TOM1: variants seen among roughly 807,000 people sequenced by gnomAD.
The protein encoded by TOM1 is target of Myb protein 1.
TOM1 carries 38 observed loss-of-function variants against 61.3 expected under a neutral mutation model. That is an observed-to-expected ratio of 0.62 (90% CI 0.48 to 0.81). TOM1 has a LOEUF of 0.81. Among genes scored for constraint, TOM1 ranks in the 40% least tolerant of loss-of-function variants. The probability of loss-of-function intolerance (pLI) is 0.00; values close to 1 mark genes in which losing one functional copy is unlikely to be tolerated. For synonymous variants in TOM1, 270 were observed against 268.8 expected (o/e 1.00, Z -0.04); for missense variants, 591 against 659.6 (o/e 0.90, Z 1.14).
intron 1 of TOM1, among the ~76,000 whole-genome samples, chr22:35,301,635 C>G (rs1447555731): frequency 1.3e-5 from 2 of 152,176 alleles, no homozygotes; most frequent in Non-Finnish European, 2.9e-5. Context: ...TGCGAAACCT[C>G]ACGAAAGCTT....
intron 7 of TOM1, among the ~76,000 whole-genome samples, chr22:35,329,614 G>A (rs995700293): frequency 4.6e-5 from 7 of 152,208 alleles, no homozygotes; most frequent in Non-Finnish European, 7.3e-5. Context: ...ACTCGAAATC[G>A]AGGTTTGTGG....
intron 6 of TOM1, among the ~76,000 whole-genome samples, chr22:35,326,092 A>G (rs919474411): frequency 2.2e-4 from 34 of 152,226 alleles, no homozygotes; most frequent in Non-Finnish European, 2.6e-4. Context: ...ATTGATGTCT[A>G]CCATGGTAAA....
At position 35,337,462 on chromosome 22, in the gene TOM1, G is replaced by A. The variant is rs145778235; in HGVS notation, c.1149-1251G>A. ...CAGCAGGGCCCTGCCGTAGTCACTG[G>A]CCCACTTGCCATGGATGGGAGCCGT... On this transcript the variant is annotated intron_variant, in intron 11 of 14. Coordinates refer to ENST00000449058, the MANE Select transcript of TOM1 (RefSeq NM_005488.3). Among the ~76,000 whole-genome samples the A allele has an allele frequency of 8.0e-4, 122 of 152,328 alleles. 1 individual carries two copies. In the East Asian group the frequency reaches 0.022, roughly 28 times the overall value.
chr22:35,343,256 T>G (rs374885646), intron 12 of TOM1, among the ~76,000 whole-genome samples: 3 of 39,344 alleles, frequency 7.6e-5, no homozygotes, highest in Non-Finnish European at 1.5e-4. Flanking sequence ...CACACACACC[T>G]CCACACACCT....
At position 35,323,508 on chromosome 22, in the gene TOM1, G is replaced by C; in HGVS notation, c.379G>C (p.Ala127Pro). Residue 127 changes from alanine to proline, a missense_variant, in exon 5 of 15, where the codon GCG (alanine) becomes CCG (proline). Physicochemically the swap from Ala to Pro is conservative, Grantham distance 27 (BLOSUM62 -1). Coordinates refer to ENST00000449058, the MANE Select transcript of TOM1 (RefSeq NM_005488.3). This position sits in a 1 kb window ranked among gnomAD's most constrained non-coding sequence, Gnocchi z 4.2. ...TGTCCCCTCTCAGTCCTGGGCTGAC[G>C]CGTTCCGCAGCTCGCCCGATCTGAC... ...VLNLIQSWAD[A>P]FRSSPDLTGV... The C allele has an allele frequency of 6.2e-7, 1 of 1,614,124 alleles. No homozygotes were observed. The highest frequency in any genetic ancestry group is 8.5e-7 in the Non-Finnish European group (1 of 1,180,022).
intron 8 of TOM1, among the ~76,000 whole-genome samples, chr22:35,332,585 AACACACAC>A (rs751364020): frequency 2.3e-5 from 2 of 88,070 alleles, no homozygotes; most frequent in African/African-American, 5.0e-5. Context: ...AGAGAGCACT[AACACACAC>A]ACACACACAC....
chr22:35,299,842 C>T, upstream of TOM1: 1 of 1,479,792 alleles, frequency 6.8e-7, no homozygotes, highest in Non-Finnish European at 9.2e-7. Context: ...TCCTCGCCGG[C>T]CTCCGAGTGC....
Position 35,333,316 on chromosome 22 carries a change from G to C in TOM1, c.934-88G>C, listed in dbSNP as rs146574870. ...CTGGGGCCCTGGTGACAGATCCCTG[G>C]GCAAAGCCTGCAAGCCACAGTGCTT... is the stretch of plus-strand genomic sequence containing the variant. On this transcript the variant is annotated intron_variant, in intron 9 of 14. Coordinates refer to ENST00000449058, the MANE Select transcript of TOM1 (RefSeq NM_005488.3). The C allele has an allele frequency of 1.9e-3, 2,364 of 1,273,670 alleles. 62 individuals carry two copies. The East Asian group carries it at 0.048, about 26-fold the overall frequency. The allele number at this position is 1,273,670 out of a possible 1,614,324, so 78.9% of individuals were successfully genotyped here. A position where few individuals can be genotyped will look rare whatever the true frequency, so the allele number is the denominator to read the frequency against.
chr22:35,336,907 T>TG (rs1929390286), intron 11 of TOM1: 1 of 150,224 alleles, frequency 6.7e-6, no homozygotes, highest in Admixed American at 6.6e-5. Flanking sequence ...TGGGCAGGGG[T>TG]GGCGAGGAGC....
At chr22:35,300,040 C>A in intron 1 of TOM1, 60 bp downstream of exon 1, 1 of 1,541,490 alleles carries the variant, frequency 6.5e-7, no homozygotes, top group Non-Finnish European at 8.8e-7. Context: ...CTTCGGTCCC[C>A]TGGGAAGCCT....
At chr22:35,306,210 A>C (rs1327196422) in intron 1 of TOM1, among the ~76,000 whole-genome samples, 1 of 152,112 alleles carries the variant, frequency 6.6e-6, no homozygotes, top group Non-Finnish European at 1.5e-5. Context: ...TACAAAACAG[A>C]CTGAATTTGG....
chr22:35,303,837 C>T (rs1412666740), intron 1 of TOM1, among the ~76,000 whole-genome samples: 1 of 152,106 alleles, frequency 6.6e-6, no homozygotes, highest in Non-Finnish European at 1.5e-5. Flanking sequence ...TAATATGCCA[C>T]CGTCCCACTC....
At chr22:35,307,267 T>C (rs1926404051) in intron 1 of TOM1, among the ~76,000 whole-genome samples, 1 of 152,212 alleles carries the variant, frequency 6.6e-6, no homozygotes, top group African/African-American at 2.4e-5. Flanking sequence ...GCTTATCTGT[T>C]AAAATTTGAC....
intron 11 of TOM1, among the ~76,000 whole-genome samples, chr22:35,338,267 C>T (rs1349658924): frequency 6.6e-6 from 1 of 152,170 alleles, no homozygotes; most frequent in East Asian, 1.9e-4. Flanking sequence ...CAAGATGGCA[C>T]CTCACCCAGC....
rs137894733 is a variant in TOM1 at position 35,305,407 on chromosome 22, A to C, written c.52+5427A>C. Among the ~76,000 whole-genome samples the C allele has an allele frequency of 4.2e-3, 647 of 152,274 alleles. 6 individuals are homozygous for C. Among genetic ancestry groups the C allele is most frequent in the African/African-American group, 0.014 (598 of 41,556 alleles). On this transcript the variant is annotated intron_variant, in intron 1 of 14. Coordinates refer to ENST00000449058, the MANE Select transcript of TOM1 (RefSeq NM_005488.3). ...CCAGGCACGGTGGCTCACGCCTGTA[A>C]TCCCAGCACGTTGGGAGGCCGAGGC...
At chr22:35,310,395 A>G (rs1926717260) in intron 1 of TOM1, among the ~76,000 whole-genome samples, 1 of 152,216 alleles carries the variant, frequency 6.6e-6, no homozygotes, top group South Asian at 2.1e-4. Flanking sequence ...TCTACTAAAA[A>G]TACAAAAATT....
At chr22:35,309,665 G>T (rs961698958) in intron 1 of TOM1, among the ~76,000 whole-genome samples, 10 of 149,046 alleles carry the variant, frequency 6.7e-5, no homozygotes, top group Admixed American at 1.3e-4. Flanking sequence ...AAAAAAGAGA[G>T]AGAACTGAGA....
In TOM1 at chr22:35,323,530, T is replaced by A; in HGVS notation, c.401T>A (p.Leu134Gln). Residue 134 changes from leucine to glutamine, a missense_variant, in exon 5 of 15, where the codon CTG becomes CAG. Physicochemically the swap from Leu to Gln is moderately radical, Grantham distance 113 (BLOSUM62 -2). Coordinates refer to ENST00000449058, the MANE Select transcript of TOM1 (RefSeq NM_005488.3). The surrounding 1 kb of genome is among the most constrained non-coding windows in gnomAD (Gnocchi z 4.2). ...WADAFRSSPD[L>Q]TGVVTIYEDL... ...GACGCGTTCCGCAGCTCGCCCGATC[T>A]GACAGGTGTGGTCACCATCTATGAG... is the stretch of plus-strand genomic sequence containing the variant. 2.5e-6 allele frequency: 4 copies of A among 1,614,162 alleles called. No homozygotes were observed. The highest frequency in any genetic ancestry group is 2.5e-6 in the Non-Finnish European group (3 of 1,180,026).
Position 35,312,243 on chromosome 22 carries a change from C to CA in TOM1, c.53-5618dup, listed in dbSNP as rs61692841. Among the ~76,000 whole-genome samples, 1,083 of 116,754 alleles carry CA rather than the reference C, an allele frequency of 9.3e-3. 10 individuals carry two copies. Among genetic ancestry groups the CA allele is most frequent in the South Asian group, 0.023 (78 of 3,416 alleles). The allele number at this position is 116,754 out of a possible 152,430, so 76.6% of individuals were successfully genotyped here. ...TGGGCGACAGAACAAGACTCCGTCT[C>CA]AAAAAAAAAAAAAAAAGACAAGGGG... On this transcript the variant is annotated intron_variant, in intron 1 of 14. Transcript: ENST00000449058.
Sources: gnomAD v4.1 joint callset for allele counts (sites outside exome capture counted in the v4.1 genomes callset) on GRCh38, gnomAD v4.1.1 for gene constraint, Gnocchi (gnomAD v3.1) non-coding constraint, MANE v1.5 for transcripts, NCBI Gene and HGNC (gene_info 2026-07-23, HGNC 2026-07-21) for gene names.